The following SBF2 variants were observed in gnomAD, a reference collection of about 807,000 sequenced individuals.
SBF2 encodes myotubularin-related protein 13.
Under a neutral mutation model 225.2 loss-of-function variants are expected in SBF2, and 112 were observed. The observed-to-expected ratio is 0.50, with a 90% confidence interval of 0.43 to 0.58. SBF2 has a LOEUF of 0.58. Ranked by LOEUF, SBF2 falls within the 20% of genes least tolerant of loss-of-function variation. SBF2 has a pLI of 0.00. For synonymous variants in SBF2, 763 were observed against 773.3 expected, an observed-to-expected ratio of 0.99 and a Z score of 0.22; for missense variants, 1,996 against 2,206.2, an observed-to-expected ratio of 0.90 and a Z score of 1.91.
In SBF2 at chr11:10,057,436, G is replaced by A. The variant is rs969219789; in HGVS notation, c.142-14455C>T. ...AGTGGCAGCTGACCCAAGGAGAGGAGGCCAGTCTTTCTCCCATGGGTCCCA... is the reference window on the plus strand; with the variant it reads ...AGTGGCAGCTGACCCAAGGAGAGGAAGCCAGTCTTTCTCCCATGGGTCCCA... On this transcript the variant is annotated intron_variant, in intron 2 of 39. Coordinates refer to ENST00000256190, the MANE Select transcript of SBF2 (RefSeq NM_030962.4). 1.1e-4 allele frequency among the ~76,000 whole-genome samples: 17 copies of A among 152,184 alleles called. 1 individual carries two copies. The highest frequency in any genetic ancestry group is 9.2e-4 in the Admixed American group (14 of 15,276).
intron 2 of SBF2, among the ~76,000 whole-genome samples, chr11:10,193,379 G>C (rs1284295359): frequency 7.0e-6 from 1 of 142,450 alleles, no homozygotes; most frequent in Non-Finnish European, 1.5e-5. Flanking sequence ...TTTTGAGAGG[G>C]AGTCTTGCTC....
chr11:10,266,059 C>T (rs1961955230), intron 1 of SBF2, among the ~76,000 whole-genome samples: 1 of 152,058 alleles, frequency 6.6e-6, no homozygotes, highest in Non-Finnish European at 1.5e-5. Flanking sequence ...TTCGGCTAGG[C>T]AGAAGACCTT....
At chr11:10,288,882 GCTCTAGTCCATAGGAC>G (rs1963971560) in intron 1 of SBF2, among the ~76,000 whole-genome samples, 1 of 151,920 alleles carries the variant, frequency 6.6e-6, no homozygotes, top group East Asian at 1.9e-4. Flanking sequence ...ACAAGTCCTC[GCTCTAGTCCATAGGAC>G]TGGCAGCTGG....
At chr11:10,000,239 C>G (rs1190688308) in intron 8 of SBF2, among the ~76,000 whole-genome samples, 1 of 152,192 alleles carries the variant, frequency 6.6e-6, no homozygotes, top group Non-Finnish European at 1.5e-5. Flanking sequence ...AACTTAAATA[C>G]TTACTTTTAC....
intron 2 of SBF2, among the ~76,000 whole-genome samples, chr11:10,097,654 T>C (rs1209598782): frequency 1.3e-5 from 2 of 152,142 alleles, no homozygotes; most frequent in Non-Finnish European, 1.5e-5. Flanking sequence ...AGTAGCTTTG[T>C]GGGAGCCCAA....
At chr11:9,930,979 A>G (rs61876945) in intron 16 of SBF2, among the ~76,000 whole-genome samples, 1 of 152,236 alleles carries the variant, frequency 6.6e-6, no homozygotes, top group South Asian at 2.1e-4. Flanking sequence ...TCCCATGTCC[A>G]CAGAGCCTTG....
intron 2 of SBF2, among the ~76,000 whole-genome samples, chr11:10,121,898 T>C (rs1288513678): frequency 6.6e-6 from 1 of 152,216 alleles, no homozygotes; most frequent in African/African-American, 2.4e-5. Flanking sequence ...ATCCACAATG[T>C]GTATGCTATC....
chr11:9,983,231 C>A (rs1010216357), intron 13 of SBF2, among the ~76,000 whole-genome samples: 1 of 152,150 alleles, frequency 6.6e-6, no homozygotes, highest in Non-Finnish European at 1.5e-5. Context: ...AGACTCAGGG[C>A]TACTGGGGGG....
intron 1 of SBF2, among the ~76,000 whole-genome samples, chr11:10,286,160 GCACACGCACACACACACACACACA>G (rs1963760931): frequency 9.1e-6 from 1 of 110,352 alleles, no homozygotes; most frequent in South Asian, 2.8e-4. Context: ...ACATAAACAC[GCACACGCACACACACACACACACA>G]CACACACACA....
Position 10,239,233 on chromosome 11 carries a change from C to A in SBF2, c.56-45246G>T, listed in dbSNP as rs1487273317. Among the ~76,000 whole-genome samples the A allele has an allele frequency of 6.0e-5, 9 of 150,618 alleles. 1 individual carries two copies. The highest frequency in any genetic ancestry group is 1.9e-4 in the East Asian group (1 of 5,170). On this transcript the variant is annotated intron_variant, in intron 1 of 39. Transcript: ENST00000256190. ...TTACCAAAATTCAATTTGTTTGCAA[C>A]ATAAAGCAAGTTTCAGCAGATTTAA... is the stretch of plus-strand genomic sequence containing the variant.
chr11:10,158,592 A>G (rs893848955), intron 2 of SBF2, among the ~76,000 whole-genome samples: 2 of 152,226 alleles, frequency 1.3e-5, no homozygotes, highest in African/African-American at 2.4e-5. Context: ...CAATTCCTAG[A>G]AACATAAAAC....
At chr11:9,904,935 T>A (rs1202458992) in intron 16 of SBF2, among the ~76,000 whole-genome samples, 4 of 152,150 alleles carry the variant, frequency 2.6e-5, no homozygotes, top group Non-Finnish European at 5.9e-5. Flanking sequence ...GATGGGAGAA[T>A]CACTTGAGCC....
intron 6 of SBF2, among the ~76,000 whole-genome samples, chr11:10,004,222 AT>A (rs1707528036): frequency 6.6e-6 from 1 of 152,214 alleles, no homozygotes; most frequent in African/African-American, 2.4e-5. Flanking sequence ...AGAAATCTAA[AT>A]ACAATTTTCA....
At chr11:10,224,760 C>T (rs1220632810) in intron 1 of SBF2, among the ~76,000 whole-genome samples, 1 of 152,102 alleles carries the variant, frequency 6.6e-6, no homozygotes, top group African/African-American at 2.4e-5. Context: ...ATAGATTTTC[C>T]ATTATCTAAC....
chr11:9,802,950 G>C (rs1206085499), intron 32 of SBF2, among the ~76,000 whole-genome samples: 2 of 152,096 alleles, frequency 1.3e-5, no homozygotes, highest in African/African-American at 2.4e-5. Context: ...TGACTTGTCT[G>C]CACTTAGGTT....
intron 2 of SBF2, among the ~76,000 whole-genome samples, chr11:10,083,786 C>T (rs1018940246): frequency 2.0e-5 from 3 of 151,922 alleles, no homozygotes; most frequent in Non-Finnish European, 2.9e-5. Flanking sequence ...CAGAAGAAAA[C>T]GTAGGAAAAA....
intron 2 of SBF2, among the ~76,000 whole-genome samples, chr11:10,124,470 T>C (rs1328923536): frequency 6.6e-6 from 1 of 152,196 alleles, no homozygotes; most frequent in African/African-American, 2.4e-5. Flanking sequence ...TCAATATTAT[T>C]CTGAAGGCAT....
At chr11:10,029,639 G>A in intron 5 of SBF2, 126 bp downstream of exon 5, 1 of 767,206 alleles carries the variant, frequency 1.3e-6, no homozygotes, top group Non-Finnish European at 2.3e-6. Context: ...CTTAACTAAA[G>A]TAGGATCTTC....
intron 16 of SBF2, among the ~76,000 whole-genome samples, chr11:9,922,914 C>T (rs1427855418): frequency 1.3e-5 from 2 of 152,164 alleles, no homozygotes; most frequent in South Asian, 2.1e-4. Context: ...GAGGTTGCCT[C>T]GAGAGACAAC....
Sources: allele counts gnomAD v4.1 joint callset (sites outside exome capture counted in the v4.1 genomes callset), GRCh38; gene constraint gnomAD v4.1.1; transcripts MANE v1.5; gene names NCBI Gene and HGNC (gene_info 2026-07-23, HGNC 2026-07-21).